Variants in OVOL2 observed in about 807,000 individuals in gnomAD.
OVOL2 encodes the protein ovo like zinc finger 2.
A neutral mutation model predicts 18.1 loss-of-function variants in OVOL2; 13 were observed. The ratio of observed to expected loss-of-function variants is 0.72; its 90% CI spans 0.47 to 1.14. The LOEUF (loss-of-function observed/expected upper bound fraction) is 1.14. OVOL2 is among the 50% of genes most tolerant of loss of function. The pLI, the probability that OVOL2 is intolerant of heterozygous loss-of-function variation, is 0.00. For synonymous variants in OVOL2, 166 were observed against 162.7 expected, an observed-to-expected ratio of 1.02 and a Z score of -0.16; for missense variants, 335 against 383.0, an observed-to-expected ratio of 0.87 and a Z score of 1.05.
chr20:18,042,700 C>G (rs893642196), intron 2 of OVOL2, among the ~76,000 whole-genome samples: 3 of 146,548 alleles, frequency 2.0e-5, no homozygotes, highest in African/African-American at 7.7e-5. Flanking sequence ...CACTTGAACC[C>G]AGGAGGCAAA....
rs779783362 is a variant in OVOL2 at position 18,024,613 on chromosome 20, G to A, written c.*23C>T. 15 of 1,550,890 alleles carry A rather than the reference G, an allele frequency of 9.7e-6. No homozygotes were observed. The highest frequency in any genetic ancestry group is 1.7e-4 in the Middle Eastern group (1 of 5,736). On this transcript the variant is annotated 3_prime_UTR_variant, in exon 4 of 4. Transcript: ENST00000278780. ...CGTAGACATACGTGGCAGTGTGAAC[G>A]TCTGTCCTCCCCTTCCTTCTCCTCA... is the stretch of plus-strand genomic sequence containing the variant.
At chr20:18,032,304 AAG>A (rs1466580913) in intron 3 of OVOL2, among the ~76,000 whole-genome samples, 22 of 148,856 alleles carry the variant, frequency 1.5e-4, no homozygotes, top group African/African-American at 5.3e-4. Context: ...GGAAGGAAGG[AAG>A]GAGAGAGAGA....
At position 18,044,950 on chromosome 20, in the gene OVOL2, A is replaced by G. The variant is rs572324425; in HGVS notation, c.322-3227T>C. ...CTGAGAAGAACAAGATCCCCTTAGG[A>G]GTCTACCTTGAGGGCCCTACTGGAG... On this transcript the variant is annotated intron_variant, in intron 2 of 3. Transcript: ENST00000278780. 3.9e-5 allele frequency among the ~76,000 whole-genome samples: 6 copies of G among 152,250 alleles called. No individual in the cohort carries two copies. The East Asian group carries it at 1.2e-3, about 29-fold the overall frequency.
chr20:18,043,768 G>A (rs926499701), intron 2 of OVOL2, among the ~76,000 whole-genome samples: 3 of 152,098 alleles, frequency 2.0e-5, no homozygotes, highest in South Asian at 2.1e-4. Flanking sequence ...TACCACCTTC[G>A]CTGCTGCTAA....
intron 2 of OVOL2, among the ~76,000 whole-genome samples, chr20:18,043,237 T>C (rs1262966427): frequency 6.6e-6 from 1 of 152,228 alleles, no homozygotes; most frequent in African/African-American, 2.4e-5. Flanking sequence ...CACTCAATTC[T>C]GTCCTCCTTG....
At position 18,053,657 on chromosome 20, in the gene OVOL2, C is replaced by T. The variant is rs185845789; in HGVS notation, c.321+3000G>A. On this transcript the variant is annotated intron_variant, in intron 2 of 3. Transcript: ENST00000278780. ...CAGAGTTTGCAGTGAGCTGAGATTGCGCAACTGTACTCCAGCTCCAGGCGA... is the reference window on the plus strand; with the variant it reads ...CAGAGTTTGCAGTGAGCTGAGATTGTGCAACTGTACTCCAGCTCCAGGCGA... 6.0e-5 allele frequency among the ~76,000 whole-genome samples: 9 copies of T among 149,188 alleles called. 1 individual carries two copies. The highest frequency in any genetic ancestry group is 2.7e-4 in the Admixed American group (4 of 14,832).
intron 3 of OVOL2, among the ~76,000 whole-genome samples, chr20:18,033,291 C>T (rs935936385): frequency 6.6e-6 from 1 of 152,236 alleles, no homozygotes; most frequent in Non-Finnish European, 1.5e-5. Flanking sequence ...CCCCTCCCCA[C>T]CTCCCTGACC....
rs2036492549 is a variant in OVOL2 at position 18,024,642 on chromosome 20, C to T, written c.822G>A (p.Arg274=). The T allele has an allele frequency of 1.9e-6, 3 of 1,598,126 alleles. No homozygotes were observed. The highest frequency in any genetic ancestry group is 1.7e-5 in the Admixed American group (1 of 58,634). ...GTCCTCCCCTTCCTTCTCCTCACTT[C>T]CTCTCCTCCTCCTCACTCAGGCTGG... The part of the protein sequence containing the change: ...ENTSLSEEEE[R]K The change falls in exon 4 of 4, where the codon AGG becomes AGA. Residue 274 remains arginine (R), a synonymous_variant. Coordinates refer to ENST00000278780, the MANE Select transcript of OVOL2 (RefSeq NM_021220.4).
intron 2 of OVOL2, among the ~76,000 whole-genome samples, chr20:18,042,771 G>A (rs1463183340): frequency 8.4e-5 from 7 of 82,986 alleles, no homozygotes; most frequent in African/African-American, 1.3e-4. Context: ...GCAAAACTCC[G>A]TCTCAAAAAA....
chr20:18,041,685 G>T lies in OVOL2; in HGVS notation c.360C>A (p.Ser120Arg). The change falls in exon 3 of 4, where the codon AGC becomes AGA. Residue 120 changes from serine (S) to arginine (R), a missense_variant. Physicochemically the swap from Ser to Arg is moderately radical, Grantham distance 110. Transcript: ENST00000278780. ...TGTCSDSVVH[S>R]CDLCGKGFRL... ...GGAAGCCCTTGCCACACAGGTCACA[G>T]CTGTGAACCACCGAGTCGCTGCACG... 1 of 1,613,952 alleles carries T rather than the reference G, an allele frequency of 6.2e-7. No homozygotes were observed. The highest frequency in any genetic ancestry group is 8.5e-7 in the Non-Finnish European group (1 of 1,179,950).
chr20:18,047,383 A>G (rs2036732382), intron 2 of OVOL2, among the ~76,000 whole-genome samples: 2 of 133,928 alleles, frequency 1.5e-5, no homozygotes, highest in South Asian at 4.5e-4. Flanking sequence ...CATGGTGGCT[A>G]CTCATAATCC....
chr20:18,032,376 AGGAGGAAGGAAGGAAGGAAG>A (rs1040522167), intron 3 of OVOL2, among the ~76,000 whole-genome samples: 9 of 145,116 alleles, frequency 6.2e-5, no homozygotes, highest in Non-Finnish European at 9.0e-5. Flanking sequence ...AAGGAAGGGA[AGGAGGAAGGAAGGAAGGAAG>A]GGAGGAAGGA....
chr20:18,056,922 A>AC lies in OVOL2; in HGVS notation c.101-46dup. On this transcript the variant is annotated intron_variant, in intron 1 of 3. Transcript: ENST00000278780. The surrounding 1 kb of genome is among the most constrained non-coding windows in gnomAD (Gnocchi z 4.2). Reference sequence around the variant, plus strand: ...GCCCCGACACACACACTCGGCGTCAACCCGCACGCCCGCGGCAGTTTGACC... The same window carrying AC: ...GCCCCGACACACACACTCGGCGTCAACCCCGCACGCCCGCGGCAGTTTGACC... 1 of 1,444,350 alleles carries AC rather than the reference A, an allele frequency of 6.9e-7. No homozygotes were observed. Among genetic ancestry groups the AC allele is most frequent in the Non-Finnish European group, 9.0e-7 (1 of 1,107,138 alleles). The allele number at this position is 1,444,350 out of a possible 1,614,324, so 89.5% of individuals were successfully genotyped here.
chr20:18,054,783 GAAAGAAAAGAAAAGA>G (rs1555796518), intron 2 of OVOL2, among the ~76,000 whole-genome samples: 2 of 111,196 alleles, frequency 1.8e-5, no homozygotes, highest in Admixed American at 9.0e-5. Context: ...AAAAAAAAAA[GAAAGAAAAGAAAAGA>G]AAAGAAAAGA....
At chr20:18,033,195 G>C (rs1386326653) in intron 3 of OVOL2, among the ~76,000 whole-genome samples, 1 of 152,186 alleles carries the variant, frequency 6.6e-6, no homozygotes, top group African/African-American at 2.4e-5. Flanking sequence ...TAATCAAGAT[G>C]GGATTTGTGT....
At chr20:18,049,175 C>G (rs1174907967) in intron 2 of OVOL2, among the ~76,000 whole-genome samples, 1 of 152,164 alleles carries the variant, frequency 6.6e-6, no homozygotes, top group Non-Finnish European at 1.5e-5. Flanking sequence ...GCAAAATTCT[C>G]CTCAAGTTCT....
upstream of OVOL2, chr20:18,058,921 TG>T (rs1249307339): frequency 6.6e-6 from 1 of 152,170 alleles, no homozygotes; most frequent in Non-Finnish European, 1.5e-5. Flanking sequence ...CCCAAGGCCT[TG>T]TTCGGGTGCG....
chr20:18,034,626 T>TTC (rs11466923), intron 3 of OVOL2, among the ~76,000 whole-genome samples: 7,668 of 137,894 alleles, frequency 0.056, 236 homozygotes, highest in African/African-American at 0.083. Flanking sequence ...CTTCCCCTCT[T>TTC]TCTCTCTCTC....
At position 18,056,593 on chromosome 20, in the gene OVOL2, G is replaced by T; in HGVS notation, c.321+64C>A. ...GGCGGGCGCGGCAGGGAGGGGCGCC[G>T]GCCTCGGGAGCCCGACGCCAGGGCG... On this transcript the variant is annotated intron_variant, in intron 2 of 3. Coordinates refer to ENST00000278780, the MANE Select transcript of OVOL2 (RefSeq NM_021220.4). This position sits in a 1 kb window ranked among gnomAD's most constrained non-coding sequence, Gnocchi z 4.2. The T allele has an allele frequency of 7.6e-7, 1 of 1,307,374 alleles. No homozygotes were observed. The allele number at this position is 1,307,374 out of a possible 1,614,324, so 81.0% of individuals were successfully genotyped here.
Sources: gnomAD v4.1 joint callset for allele counts (sites outside exome capture counted in the v4.1 genomes callset) on GRCh38, gnomAD v4.1.1 for gene constraint, Gnocchi (gnomAD v3.1) non-coding constraint, MANE v1.5 for transcripts, NCBI Gene and HGNC (gene_info 2026-07-23, HGNC 2026-07-21) for gene names.